The following IFT140 variants were observed in gnomAD, a reference collection of about 807,000 sequenced individuals.
IFT140 encodes the protein intraflagellar transport 140.
Under a neutral mutation model 164.6 loss-of-function variants are expected in IFT140, and 133 were observed. That is an observed-to-expected ratio of 0.81 (90% CI 0.70 to 0.93). IFT140 has a LOEUF of 0.93. IFT140 is among the 40% of genes least tolerant of loss of function. The probability of loss-of-function intolerance (pLI) is 0.00; values close to 1 mark genes in which losing one functional copy is unlikely to be tolerated. For synonymous variants in IFT140, 860 were observed against 817.3 expected (o/e 1.05, Z -0.89); for missense variants, 2,045 against 1,972.3 (o/e 1.04, Z -0.70).
At chr16:1,593,057 A>G (rs1374783238) in intron 4 of IFT140, among the ~76,000 whole-genome samples, 1 of 152,036 alleles carries the variant, frequency 6.6e-6, no homozygotes, top group East Asian at 1.9e-4. Flanking sequence ...GTGGTGGGAC[A>G]GGTGTCCTGG....
intron 14 of IFT140, 151 bp downstream of exon 14, chr16:1,571,256 C>T: frequency 2.8e-6 from 2 of 710,862 alleles, no homozygotes; most frequent in Non-Finnish European, 4.6e-6. Context: ...AACTGAGCCC[C>T]AACATGAGGC....
At chr16:1,558,843 T>TTA (rs2033249761) in intron 18 of IFT140, among the ~76,000 whole-genome samples, 1 of 152,344 alleles carries the variant, frequency 6.6e-6, no homozygotes, top group South Asian at 2.1e-4. Flanking sequence ...TTCCCTGGTC[T>TTA]TGTATCTGCT....
chr16:1,578,461 C>T (rs1436324476), intron 13 of IFT140: 2 of 151,992 alleles, frequency 1.3e-5, no homozygotes, highest in Non-Finnish European at 2.9e-5. Context: ...TGGTGCCCCT[C>T]CCAAAGATAT....
chr16:1,582,123 C>T (rs1186013524), intron 12 of IFT140, among the ~76,000 whole-genome samples: 2 of 152,022 alleles, frequency 1.3e-5, no homozygotes. Context: ...ATCCTGGTGG[C>T]GGGGCCACTG....
chr16:1,517,934 C>G (rs901209262), intron 30 of IFT140, among the ~76,000 whole-genome samples: 5 of 152,208 alleles, frequency 3.3e-5, no homozygotes, highest in Non-Finnish European at 7.4e-5. Flanking sequence ...ACCTCCTGGG[C>G]TCAAGGGATC....
rs775322966 is a variant in IFT140, at chr16:1,524,663, C to T, written c.3030G>A (p.Leu1010=). The T allele has an allele frequency of 8.2e-6, 13 of 1,579,222 alleles. No individual in the cohort carries two copies. The Admixed American group carries it at 8.8e-5, about 11-fold the overall frequency. Reference sequence around the variant, plus strand: ...GGCGGGCGAGGTGGTAGGAGGCCGCCAGGTTTCCTGTCTCGTTGGCTATTT... The same window carrying T: ...GGCGGGCGAGGTGGTAGGAGGCCGCTAGGTTTCCTGTCTCGTTGGCTATTT... The part of the protein sequence containing the change: ...AAQIANETGN[L]AASYHLARQY... Residue 1010 remains leucine (L), a synonymous_variant, in exon 24 of 31, where the codon CTG becomes CTA. Transcript: ENST00000426508.
intron 19 of IFT140, among the ~76,000 whole-genome samples, chr16:1,542,450 C>G (rs1161056526): frequency 6.6e-6 from 1 of 152,218 alleles, no homozygotes; most frequent in South Asian, 2.1e-4. Context: ...AATGCTGAGG[C>G]AGCTGGTGGG....
chr16:1,519,815 C>T (rs754032148), intron 29 of IFT140, 66 bp downstream of exon 29: 45 of 1,437,260 alleles, frequency 3.1e-5, no homozygotes, highest in Admixed American at 5.2e-5. Flanking sequence ...TGGGGTTTCT[C>T]GTGGTCAGCC....
chr16:1,557,605 G>GT (rs1337149493), intron 19 of IFT140: 2 of 265,368 alleles, frequency 7.5e-6, no homozygotes, highest in Non-Finnish European at 1.4e-5. Context: ...CCACCTGGCT[G>GT]TTTTTAGTGT....
chr16:1,528,513 ACACACACAGG>A (rs1260097498), intron 19 of IFT140, among the ~76,000 whole-genome samples: 1 of 150,750 alleles, frequency 6.6e-6, no homozygotes, highest in Admixed American at 6.6e-5. Flanking sequence ...ACATGCAGGC[ACACACACAGG>A]CACACACAAG....
chr16:1,519,815 C>A (rs754032148), intron 29 of IFT140, 66 bp downstream of exon 29: 35 of 1,437,262 alleles, frequency 2.4e-5, no homozygotes, highest in Non-Finnish European at 3.0e-5. Flanking sequence ...TGGGGTTTCT[C>A]GTGGTCAGCC....
In IFT140 at chr16:1,587,141, G is replaced by A. The variant is rs992705332; in HGVS notation, c.1009+57C>T. ...GTTTCACTACCATTATTTTGCAGCC[G>A]GCGCACAATGCTTGTGGTTGGTTCT... is the stretch of plus-strand genomic sequence containing the variant. On this transcript the variant is annotated intron_variant, in intron 9 of 30. Transcript: ENST00000426508. 6.4e-5 allele frequency: 69 copies of A among 1,073,732 alleles called. No individual in the cohort carries two copies. In the Admixed American group the frequency reaches 1.0e-3, roughly 16 times the overall value. 66.5% of individuals were successfully genotyped at this position (1,073,732 alleles called of 1,614,324 possible).
intron 4 of IFT140, among the ~76,000 whole-genome samples, chr16:1,599,635 G>C (rs1173144503): frequency 3.1e-5 from 1 of 32,288 alleles, no homozygotes; most frequent in African/African-American, 2.2e-4. Flanking sequence ...CAGCCGCCCC[G>C]TCCGGGAGGG....
At chr16:1,589,819 G>A (rs1289735606) in intron 6 of IFT140, 39 bp from the exon 7 acceptor site, 2 of 1,555,070 alleles carry the variant, frequency 1.3e-6, no homozygotes, top group East Asian at 2.3e-5. Context: ...AGGAGGCCCT[G>A]GTTTATCTGC....
chr16:1,540,804 A>C, intron 19 of IFT140: 1 of 984,366 alleles, frequency 1.0e-6, no homozygotes, highest in Non-Finnish European at 1.2e-6. Context: ...AGTTTTGGGA[A>C]TCGAATTTCC....
chr16:1,513,657 C>T (rs1435630396), intron 30 of IFT140, among the ~76,000 whole-genome samples: 1 of 148,580 alleles, frequency 6.7e-6, no homozygotes, highest in Non-Finnish European at 1.5e-5. Flanking sequence ...AGGCTTCCTG[C>T]TTCTCACAAC....
In IFT140 at chr16:1,515,673, A is replaced by C. The variant is rs2040315194; in HGVS notation, c.4182+2543T>G. Reference sequence around the variant, plus strand: ...TGGCCTCCCAAAGTGCTGAGATTACAGGCATGAGCCACTGTGCCTGGCCTC... The same window carrying C: ...TGGCCTCCCAAAGTGCTGAGATTACCGGCATGAGCCACTGTGCCTGGCCTC... On this transcript the variant is annotated intron_variant, in intron 30 of 30. Coordinates refer to ENST00000426508, the MANE Select transcript of IFT140 (RefSeq NM_014714.4). Among the ~76,000 whole-genome samples, 3 of 152,372 alleles carry C rather than the reference A, an allele frequency of 2.0e-5. No individual in the cohort carries two copies. In the South Asian group the frequency reaches 6.2e-4, roughly 32 times the overall value.
At chr16:1,526,110 C>A (rs1461666944) in intron 20 of IFT140, 33 bp from the exon 21 acceptor site, 1 of 1,537,950 alleles carries the variant, frequency 6.5e-7, no homozygotes. Context: ...TGTCGTGCAG[C>A]CTCCACACAC....
At chr16:1,560,375 G>A (rs905593484) in intron 18 of IFT140, among the ~76,000 whole-genome samples, 2 of 152,222 alleles carry the variant, frequency 1.3e-5, no homozygotes, top group Non-Finnish European at 2.9e-5. Context: ...CCGCACCCAG[G>A]TTCGCGTTTG....
Sources: allele counts gnomAD v4.1 joint callset (sites outside exome capture counted in the v4.1 genomes callset), GRCh38; gene constraint gnomAD v4.1.1; transcripts MANE v1.5; gene names NCBI Gene and HGNC (gene_info 2026-07-23, HGNC 2026-07-21).